The following TBCD variants were observed in gnomAD, a reference collection of about 807,000 sequenced individuals.
TBCD encodes the protein tubulin-specific chaperone D.
In TBCD, 105 loss-of-function variants were observed where a neutral mutation model predicts 169.3. That is an observed-to-expected ratio of 0.62 (90% CI 0.53 to 0.73). The LOEUF is 0.73. Among genes scored for constraint, TBCD ranks in the 30% least tolerant of loss-of-function variants. The pLI is 0.00. For synonymous variants in TBCD, 700 were observed against 643.9 expected (o/e 1.09, Z -1.32); for missense variants, 1,444 against 1,600.1 (o/e 0.90, Z 1.66).
At chr17:82,911,628 C>T in intron 22 of TBCD, 130 bp from the exon 23 acceptor site, 2 of 885,474 alleles carry the variant, frequency 2.3e-6, no homozygotes, top group Non-Finnish European at 3.6e-6. Flanking sequence ...GTTGCTCATG[C>T]TCAGTAACAC....
intron 36 of TBCD, among the ~76,000 whole-genome samples, chr17:82,938,465 G>C (rs1599724499): frequency 1.3e-5 from 2 of 152,320 alleles, no homozygotes; most frequent in East Asian, 3.9e-4. Context: ...TTCATCCCCA[G>C]CACTCCCCGG....
rs537485638 is a variant in TBCD, at chr17:82,775,133, C to T, written c.638+2626C>T. On this transcript the variant is annotated intron_variant, in intron 6 of 38. Coordinates refer to ENST00000355528, the MANE Select transcript of TBCD (RefSeq NM_005993.5). Reference sequence around the variant, plus strand: ...TGGCTCGGGATCCCGGGCGGACTCCCGGCGAGACACCGCAGCGCCACCTAG... The same window carrying T: ...TGGCTCGGGATCCCGGGCGGACTCCTGGCGAGACACCGCAGCGCCACCTAG... Among the ~76,000 whole-genome samples the T allele has an allele frequency of 2.4e-3, 363 of 152,312 alleles. 3 individuals are homozygous for T. Among genetic ancestry groups the T allele is most frequent in the African/African-American group, 7.7e-3 (321 of 41,560 alleles).
rs1182508723 is a variant in TBCD, at chr17:82,915,671, CAT to C, written c.2038+3883_2038+3884del. On this transcript the variant is annotated intron_variant, in intron 23 of 38. Coordinates refer to ENST00000355528, the MANE Select transcript of TBCD (RefSeq NM_005993.5). This position sits in a 1 kb window ranked among gnomAD's most constrained non-coding sequence, Gnocchi z 4.3. ...CACAGGTGTTTTTTTATCCTGCTCA[CAT>C]GTGGATCACCGAGGGCAGGGGCCGG... 2.0e-5 allele frequency among the ~76,000 whole-genome samples: 3 copies of C among 152,216 alleles called. No individual in the cohort carries two copies. The highest frequency in any genetic ancestry group is 2.9e-5 in the Non-Finnish European group (2 of 68,038).
intron 12 of TBCD, 111 bp downstream of exon 12, chr17:82,809,893 C>G: frequency 2.1e-6 from 2 of 963,648 alleles, no homozygotes; most frequent in Non-Finnish European, 3.1e-6. Context: ...GTCAGAACTC[C>G]AGAAGCTCTT....
At chr17:82,759,903 T>C (rs1188006234) in intron 2 of TBCD, among the ~76,000 whole-genome samples, 2 of 150,502 alleles carry the variant, frequency 1.3e-5, no homozygotes, top group Non-Finnish European at 3.0e-5. Context: ...TTTTTTTTTT[T>C]TGAGATGGAG....
intron 13 of TBCD, among the ~76,000 whole-genome samples, chr17:82,861,381 C>G (rs184854357): frequency 2.6e-5 from 1 of 39,038 alleles, no homozygotes; most frequent in Admixed American, 2.8e-4. Flanking sequence ...GCTGCTGGTT[C>G]ACGTCAGCTG....
intron 4 of TBCD, among the ~76,000 whole-genome samples, chr17:82,767,955 A>G (rs936920797): frequency 6.8e-6 from 1 of 146,818 alleles, no homozygotes; most frequent in African/African-American, 2.5e-5. Context: ...CTCCATCTCA[A>G]AAAAAAAAAA....
chr17:82,828,176 A>G (rs1357117227), intron 13 of TBCD, among the ~76,000 whole-genome samples: 4 of 137,718 alleles, frequency 2.9e-5, no homozygotes, highest in African/African-American at 8.3e-5. Flanking sequence ...CACCCGTACA[A>G]TCGAATGCAC....
chr17:82,825,564 C>G (rs1407702411), intron 13 of TBCD, among the ~76,000 whole-genome samples: 1 of 152,066 alleles, frequency 6.6e-6, no homozygotes, highest in East Asian at 1.9e-4. Flanking sequence ...GGGTGCCTGA[C>G]AGGGCTGGGG....
At chr17:82,841,816 G>T (rs184321617) in intron 13 of TBCD, among the ~76,000 whole-genome samples, 144 of 152,278 alleles carry the variant, frequency 9.5e-4, no homozygotes, top group African/African-American at 2.7e-3. Context: ...GCAGGTGACT[G>T]GTCTGGAGGG....
chr17:82,888,271 G>A lies in TBCD; in HGVS notation c.1534-1397G>A, dbSNP rs578074882. ...CACACTGTGTGACGGGCTGTGCTGC[G>A]ATGCTGCTGTGCATAGTCAGCCTTC... On this transcript the variant is annotated intron_variant, in intron 15 of 38. Transcript: ENST00000355528. Among the ~76,000 whole-genome samples the A allele has an allele frequency of 2.6e-4, 39 of 152,342 alleles. No homozygotes were observed. In the East Asian group the frequency reaches 6.9e-3, roughly 27 times the overall value.
At chr17:82,761,608 G>C (rs2047758285) in intron 2 of TBCD, among the ~76,000 whole-genome samples, 1 of 152,128 alleles carries the variant, frequency 6.6e-6, no homozygotes, top group African/African-American at 2.4e-5. Flanking sequence ...TTCAGTATGT[G>C]CTCTTTTTGT....
At chr17:82,759,393 A>G (rs1452592265) in intron 2 of TBCD, among the ~76,000 whole-genome samples, 9 of 152,142 alleles carry the variant, frequency 5.9e-5, no homozygotes, top group Admixed American at 5.9e-4. Context: ...AGGCAGGAGA[A>G]TTGCTTGAAC....
Position 82,942,727 on chromosome 17 carries a change from C to T in TBCD, c.*264C>T, listed in dbSNP as rs1475038883. On this transcript the variant is annotated 3_prime_UTR_variant, in exon 39 of 39. Coordinates refer to ENST00000355528, the MANE Select transcript of TBCD (RefSeq NM_005993.5). ...GAAGTTCCTGCCTTTTGTCTCTGAG[C>T]CTGATGTGTGTAGGGGTGATGGAAA... 4 of 583,512 alleles carry T rather than the reference C, an allele frequency of 6.9e-6. No individual in the cohort carries two copies. Among genetic ancestry groups the T allele is most frequent in the Non-Finnish European group, 9.2e-6 (3 of 327,254 alleles). 36.1% of individuals were successfully genotyped at this position (583,512 alleles called of 1,614,324 possible). A position where few individuals can be genotyped will look rare whatever the true frequency, so the allele number is the denominator to read the frequency against.
chr17:82,888,214 G>A (rs2058886865), intron 15 of TBCD, among the ~76,000 whole-genome samples: 1 of 152,180 alleles, frequency 6.6e-6, no homozygotes, highest in African/African-American at 2.4e-5. Context: ...TTTCTGTTCT[G>A]CTGGTTGGTC....
intron 2 of TBCD, among the ~76,000 whole-genome samples, chr17:82,762,586 T>C (rs976089381): frequency 6.6e-6 from 1 of 151,288 alleles, no homozygotes; most frequent in Non-Finnish European, 1.5e-5. Context: ...CCATCTCTAC[T>C]AAAATACAAA....
chr17:82,836,757 T>C (rs2054022213), intron 13 of TBCD, among the ~76,000 whole-genome samples: 1 of 152,018 alleles, frequency 6.6e-6, no homozygotes, highest in Admixed American at 6.5e-5. Flanking sequence ...CCCGTGTTGG[T>C]TAGATTTTCT....
chr17:82,754,289 TC>T (rs2047288699), intron 1 of TBCD, among the ~76,000 whole-genome samples: 1 of 152,140 alleles, frequency 6.6e-6, no homozygotes, highest in South Asian at 2.1e-4. Flanking sequence ...TCGGAAATGA[TC>T]CTCCGTGATG....
intron 13 of TBCD, 87 bp from the exon 14 acceptor site, chr17:82,870,137 C>T: frequency 2.5e-6 from 4 of 1,580,004 alleles, no homozygotes; most frequent in East Asian, 2.2e-5. Context: ...CGTGACCGCG[C>T]TCCGGCCCTG....
Sources: gnomAD v4.1 joint callset for allele counts (sites outside exome capture counted in the v4.1 genomes callset) on GRCh38, gnomAD v4.1.1 for gene constraint, Gnocchi (gnomAD v3.1) non-coding constraint, MANE v1.5 for transcripts, NCBI Gene and HGNC (gene_info 2026-07-23, HGNC 2026-07-21) for gene names.